The following AP3B1 variants were observed in gnomAD, a reference collection of about 807,000 sequenced individuals.
AP3B1 encodes adaptor related protein complex 3 subunit beta 1.
AP3B1 carries 61 observed loss-of-function variants against 132.5 expected under a neutral mutation model. That is an observed-to-expected ratio of 0.46 (90% CI 0.37 to 0.57). AP3B1 has a LOEUF of 0.57. AP3B1 is among the 20% of genes least tolerant of loss of function. The probability of loss-of-function intolerance (pLI) is 0.00; values close to 1 mark genes in which losing one functional copy is unlikely to be tolerated. For missense variants in AP3B1, 1,120 were observed against 1,289.4 expected (o/e 0.87, Z 2.01); for synonymous variants, 388 against 438.3 (o/e 0.89, Z 1.43).
intron 1 of AP3B1, among the ~76,000 whole-genome samples, chr5:78,277,179 G>A (rs140451925): frequency 2.7e-4 from 41 of 152,230 alleles, no homozygotes; most frequent in African/African-American, 9.4e-4. Flanking sequence ...AAAATCAACA[G>A]AACTAAAAGC....
intron 22 of AP3B1, 88 bp downstream of exon 22, chr5:78,089,305 G>C (rs1750409980): frequency 1.0e-6 from 1 of 974,118 alleles, no homozygotes; most frequent in Non-Finnish European, 1.6e-6. Context: ...TCAAAACTAA[G>C]AATCCACTTC....
intron 1 of AP3B1, among the ~76,000 whole-genome samples, chr5:78,294,125 A>G (rs1212758456): frequency 6.6e-6 from 1 of 152,156 alleles, no homozygotes; most frequent in Non-Finnish European, 1.5e-5. Flanking sequence ...AAACTAGAAG[A>G]CGATGCTCAA....
At chr5:78,236,283 C>T (rs1746875374) in intron 3 of AP3B1, among the ~76,000 whole-genome samples, 1 of 152,034 alleles carries the variant, frequency 6.6e-6, no homozygotes, top group Admixed American at 6.6e-5. Context: ...AACTAGAAGT[C>T]CTCAGGGAAC....
intron 7 of AP3B1, among the ~76,000 whole-genome samples, chr5:78,203,752 C>T (rs1745393946): frequency 1.3e-5 from 2 of 152,234 alleles, no homozygotes; most frequent in East Asian, 1.9e-4. Context: ...ACACAGGCCT[C>T]TTAAGTCTCT....
intron 24 of AP3B1, among the ~76,000 whole-genome samples, chr5:78,030,327 C>CGG (rs1441488667): frequency 5.9e-5 from 9 of 152,094 alleles, no homozygotes; most frequent in African/African-American, 2.2e-4. Flanking sequence ...AGAAAATATT[C>CGG]TATTACAGCA....
At chr5:78,278,042 A>G (rs925711947) in intron 1 of AP3B1, among the ~76,000 whole-genome samples, 8 of 152,138 alleles carry the variant, frequency 5.3e-5, no homozygotes, top group Non-Finnish European at 1.2e-4. Context: ...GAATGTGACT[A>G]TTCAGTAGTA....
chr5:78,165,768 T>G, intron 11 of AP3B1, 96 bp from the exon 12 acceptor site: 1 of 937,564 alleles, frequency 1.1e-6, no homozygotes, highest in Non-Finnish European at 1.7e-6. Context: ...TTATTTCTAC[T>G]TTTAAAAATC....
At chr5:78,189,784 C>T (rs1267264719) in intron 7 of AP3B1, among the ~76,000 whole-genome samples, 2 of 151,844 alleles carry the variant, frequency 1.3e-5, no homozygotes, top group East Asian at 1.9e-4. Context: ...GCAGGAGAAT[C>T]GCTTGAACCT....
chr5:78,162,187 C>T (rs1743413349), intron 13 of AP3B1, among the ~76,000 whole-genome samples: 1 of 152,036 alleles, frequency 6.6e-6, no homozygotes, highest in Admixed American at 6.5e-5. Flanking sequence ...TATTTCAAAG[C>T]CTTACCCATA....
At chr5:78,141,359 A>G (rs1753139543) in intron 14 of AP3B1, 40 bp from the exon 15 acceptor site, 2 of 1,513,592 alleles carry the variant, frequency 1.3e-6, no homozygotes, top group South Asian at 1.1e-5. Flanking sequence ...AAGTAAGTTA[A>G]TCATACTCTA....
At chr5:78,196,292 T>C (rs1745073654) in intron 7 of AP3B1, among the ~76,000 whole-genome samples, 1 of 152,164 alleles carries the variant, frequency 6.6e-6, no homozygotes, top group Non-Finnish European at 1.5e-5. Context: ...ACCATGTCAT[T>C]AGGGAATTGC....
At chr5:78,069,071 A>T (rs1270036616) in intron 22 of AP3B1, among the ~76,000 whole-genome samples, 1 of 152,230 alleles carries the variant, frequency 6.6e-6, no homozygotes, top group Non-Finnish European at 1.5e-5. Context: ...TCCTGTTAAA[A>T]ACTCTCAATA....
At chr5:78,203,108 G>A (rs1745364291) in intron 7 of AP3B1, among the ~76,000 whole-genome samples, 1 of 152,144 alleles carries the variant, frequency 6.6e-6, no homozygotes, top group Admixed American at 6.6e-5. Flanking sequence ...ATCTTATTGA[G>A]GAAACCTTGT....
chr5:78,261,359 G>A (rs536285806), intron 2 of AP3B1, among the ~76,000 whole-genome samples: 194 of 152,264 alleles, frequency 1.3e-3, no homozygotes, highest in Middle Eastern at 6.8e-3. Context: ...AATTAGTGAT[G>A]CTGCACATCT....
At chr5:78,121,092 T>C (rs947243922) in intron 17 of AP3B1, among the ~76,000 whole-genome samples, 2 of 152,130 alleles carry the variant, frequency 1.3e-5, no homozygotes, top group Non-Finnish European at 2.9e-5. Flanking sequence ...CCTGAATGAC[T>C]ACTGGGTACA....
At chr5:78,138,995 T>A in intron 15 of AP3B1, among the ~76,000 whole-genome samples, 8 of 124,578 alleles carry the variant, frequency 6.4e-5, no homozygotes, top group Admixed American at 1.6e-4. Flanking sequence ...AAAAAACACT[T>A]CAGAAACTGA....
At position 78,180,903 on chromosome 5, in the gene AP3B1, A is replaced by T. The variant is rs1744337428; in HGVS notation, c.942+604T>A. ...TATTGTGCACATGTATTCTTCTAAA[A>T]TATAAATGGTTATATAAACAAAAAG... On this transcript the variant is annotated intron_variant, in intron 8 of 26. Coordinates refer to ENST00000255194, the MANE Select transcript of AP3B1 (RefSeq NM_003664.5). Among the ~76,000 whole-genome samples, 4 of 152,068 alleles carry T rather than the reference A, an allele frequency of 2.6e-5. No individual in the cohort carries two copies. The South Asian group carries it at 8.3e-4, about 32-fold the overall frequency.
chr5:78,106,081 T>C (rs978889658), intron 20 of AP3B1, among the ~76,000 whole-genome samples: 2 of 152,124 alleles, frequency 1.3e-5, no homozygotes, highest in Admixed American at 1.3e-4. Flanking sequence ...TAGTAAATGA[T>C]GCAAAAAGAA....
intron 13 of AP3B1, 90 bp downstream of exon 13, chr5:78,162,729 T>G: frequency 6.9e-7 from 1 of 1,448,956 alleles, no homozygotes; most frequent in Non-Finnish European, 9.6e-7. Context: ...AAAGCTAAAA[T>G]GCAAAGTTAG....
Sources: gnomAD v4.1 joint callset for allele counts (sites outside exome capture counted in the v4.1 genomes callset) on GRCh38, gnomAD v4.1.1 for gene constraint, MANE v1.5 for transcripts, NCBI Gene and HGNC (gene_info 2026-07-23, HGNC 2026-07-21) for gene names.